Variants in GCNT4 observed in about 807,000 individuals in gnomAD.
GCNT4 encodes glucosaminyl (N-acetyl) transferase 4.
In GCNT4, 17 loss-of-function variants were observed where a neutral mutation model predicts 31.3. That is an observed-to-expected ratio of 0.54 (90% CI 0.37 to 0.81). GCNT4 has a LOEUF of 0.81. GCNT4 is among the 40% of genes least tolerant of loss of function. The pLI is 0.00. For synonymous variants in GCNT4, 158 were observed against 190.6 expected (o/e 0.83, Z 1.41); for missense variants, 503 against 525.5 (o/e 0.96, Z 0.42).
At chr5:75,039,000 C>T (rs1743259616) in intron 3 of GCNT4, among the ~76,000 whole-genome samples, 1 of 152,196 alleles carries the variant, frequency 6.6e-6, no homozygotes, top group South Asian at 2.1e-4. Context: ...TTGCCAGAGT[C>T]AGCGACACAT....
chr5:75,030,322 C>T (rs1345702142), intron 3 of GCNT4: 3 of 321,424 alleles, frequency 9.3e-6, no homozygotes, highest in Non-Finnish European at 1.8e-5. Flanking sequence ...TATAGTGTGT[C>T]TTATATTGTC....
At chr5:75,021,335 C>A (rs1361288647), downstream of GCNT4, among the ~76,000 whole-genome samples, 1 of 152,178 alleles carries the variant, frequency 6.6e-6, no homozygotes, top group African/African-American at 2.4e-5. Flanking sequence ...TATTCTCTGG[C>A]AGGAATTTAA....
intron 3 of GCNT4, among the ~76,000 whole-genome samples, chr5:75,033,571 T>C (rs1743123976): frequency 6.6e-6 from 1 of 152,142 alleles, no homozygotes; most frequent in South Asian, 2.1e-4. Context: ...TGATATCCTT[T>C]GAAAGGAGCA....
rs1742966095 is a variant in GCNT4 at position 75,027,302 on chromosome 5, ATAATTAT to A, written c.*1367_*1373del. 8.8e-6 allele frequency: 1 copy of A among 113,004 alleles called. No homozygotes were observed. Among genetic ancestry groups the A allele is most frequent in the South Asian group, 2.4e-4 (1 of 4,244 alleles). The allele number at this position is 113,004 out of a possible 1,614,324, so 7.0% of individuals were successfully genotyped here. ...TTATATAATATATATTTATATATAT[ATAATTAT>A]ATGTATATATAATATATATTCATAT... On this transcript the variant is annotated 3_prime_UTR_variant, in exon 4 of 4. Transcript: ENST00000652361.
At chr5:75,022,280 A>T (rs1008440988), downstream of GCNT4, among the ~76,000 whole-genome samples, 1 of 152,188 alleles carries the variant, frequency 6.6e-6, no homozygotes, top group Admixed American at 6.5e-5. Flanking sequence ...AATGCATCAA[A>T]TTTGGTCATT....
rs578030476 is a variant in GCNT4 at position 75,044,720 on chromosome 5, G to A, written c.-2+3177C>T. 2.2e-4 allele frequency among the ~76,000 whole-genome samples: 33 copies of A among 152,148 alleles called. No individual in the cohort carries two copies. The East Asian group carries it at 4.8e-3, about 22-fold the overall frequency. On this transcript the variant is annotated intron_variant, in intron 3 of 3. Transcript: ENST00000652361. ...CACCATCTCCAAAGGCAACAGCCAC[G>A]GATTTCTGCGGGGTAGACTGGTACA...
chr5:75,043,228 G>A (rs566363410), intron 3 of GCNT4, among the ~76,000 whole-genome samples: 31 of 152,308 alleles, frequency 2.0e-4, no homozygotes, highest in African/African-American at 7.5e-4. Flanking sequence ...AGACTCTTCA[G>A]ATTTTCCAAC....
At chr5:75,036,240 T>A (rs1410143541) in intron 3 of GCNT4, among the ~76,000 whole-genome samples, 1 of 152,234 alleles carries the variant, frequency 6.6e-6, no homozygotes, top group Non-Finnish European at 1.5e-5. Flanking sequence ...ATTAATAATG[T>A]AGAATCACTC....
chr5:75,053,237 C>A (rs937128766), upstream of GCNT4, among the ~76,000 whole-genome samples: 3 of 151,886 alleles, frequency 2.0e-5, no homozygotes, highest in Admixed American at 6.6e-5. Context: ...CCACCCGGCC[C>A]GTGACGCTGT....
chr5:75,036,964 C>T (rs1425402596), intron 3 of GCNT4, among the ~76,000 whole-genome samples: 1 of 152,068 alleles, frequency 6.6e-6, no homozygotes, highest in South Asian at 2.1e-4. Context: ...GAGAATATTC[C>T]CTCTTCAGGC....
upstream of GCNT4, among the ~76,000 whole-genome samples, chr5:75,053,643 C>T (rs894414133): frequency 2.6e-5 from 4 of 151,928 alleles, no homozygotes; most frequent in Admixed American, 2.0e-4. Flanking sequence ...GCTCCTCCGT[C>T]GCCCTGCTGG....
At chr5:75,053,591 C>T (rs923536029), upstream of GCNT4, among the ~76,000 whole-genome samples, 3 of 152,098 alleles carry the variant, frequency 2.0e-5, no homozygotes, top group Admixed American at 1.3e-4. Flanking sequence ...GAGGGTTGCG[C>T]TCTGGGTTCC....
chr5:75,038,542 A>G (rs1743249344), intron 3 of GCNT4, among the ~76,000 whole-genome samples: 1 of 152,198 alleles, frequency 6.6e-6, no homozygotes, highest in Admixed American at 6.5e-5. Context: ...CAGTTCTAGA[A>G]GCTGGGAAGT....
At chr5:75,021,124 C>T (rs1420106680), downstream of GCNT4, among the ~76,000 whole-genome samples, 1 of 152,140 alleles carries the variant, frequency 6.6e-6, no homozygotes, top group Non-Finnish European at 1.5e-5. Context: ...CTGGTGTCAC[C>T]AATGATTGAT....
intron 3 of GCNT4, among the ~76,000 whole-genome samples, chr5:75,046,608 G>A (rs555192394): frequency 3.3e-5 from 5 of 152,128 alleles, no homozygotes; most frequent in African/African-American, 4.8e-5. Flanking sequence ...GACAAGCCCG[G>A]GCACAGCCAA....
At chr5:75,032,818 A>G (rs76982719) in intron 3 of GCNT4, among the ~76,000 whole-genome samples, 24,617 of 151,338 alleles carry the variant, frequency 0.16, 2,045 homozygotes, top group Middle Eastern at 0.23. Flanking sequence ...GCCTGGGCAC[A>G]TGTGTAGAAT....
intron 2 of GCNT4, among the ~76,000 whole-genome samples, chr5:75,051,589 T>C (rs1360881253): frequency 1.3e-5 from 2 of 152,080 alleles, no homozygotes; most frequent in African/African-American, 2.4e-5. Flanking sequence ...CTGCTCTCTC[T>C]CCCTCTCCCT....
chr5:75,028,453 T>G lies in GCNT4; in HGVS notation c.*223A>C. On this transcript the variant is annotated 3_prime_UTR_variant, in exon 4 of 4. Transcript: ENST00000652361. Reference sequence around the variant, plus strand: ...TGACTGAATGTTTAAGATCTCTGATTTGGCTCAGTGAGATTACAAGCAAAA... The same window carrying G: ...TGACTGAATGTTTAAGATCTCTGATGTGGCTCAGTGAGATTACAAGCAAAA... 1.9e-6 allele frequency: 1 copy of G among 514,978 alleles called. No individual in the cohort carries two copies. 31.9% of individuals were successfully genotyped at this position (514,978 alleles called of 1,614,324 possible).
chr5:75,023,403 C>A (rs959196004), downstream of GCNT4, among the ~76,000 whole-genome samples: 9 of 152,056 alleles, frequency 5.9e-5, no homozygotes, highest in African/African-American at 2.2e-4. Flanking sequence ...GAAAAACAAT[C>A]AATTAAAAAC....
Sources: gnomAD v4.1 joint callset for allele counts (sites outside exome capture counted in the v4.1 genomes callset) on GRCh38, gnomAD v4.1.1 for gene constraint, MANE v1.5 for transcripts, NCBI Gene and HGNC (gene_info 2026-07-23, HGNC 2026-07-21) for gene names.